RALYL: variants seen among roughly 807,000 people sequenced by gnomAD.
RALYL encodes the protein RALY RNA binding protein like.
In RALYL, 29 loss-of-function variants were observed where a neutral mutation model predicts 35.1. The ratio of observed to expected loss-of-function variants is 0.83; its 90% CI spans 0.61 to 1.13. RALYL has a LOEUF of 1.13. Among genes scored for constraint, RALYL ranks in the 50% most tolerant of loss-of-function variants. RALYL has a pLI of 0.00. For synonymous variants in RALYL, 120 were observed against 127.6 expected (o/e 0.94, Z 0.40); for missense variants, 359 against 360.4 (o/e 1.00, Z 0.03).
chr8:84,601,363 C>T (rs1815906115), intron 2 of RALYL, among the ~76,000 whole-genome samples: 1 of 152,024 alleles, frequency 6.6e-6, no homozygotes, highest in African/African-American at 2.4e-5. Flanking sequence ...AAAGCAAAGA[C>T]AGAGAAAGAG....
chr8:84,633,297 T>C (rs1270610958), intron 2 of RALYL, among the ~76,000 whole-genome samples: 1 of 151,730 alleles, frequency 6.6e-6, no homozygotes. Context: ...CAGATAGAGT[T>C]TGGACAGTAG....
At chr8:84,625,897 A>G (rs1420329680) in intron 2 of RALYL, among the ~76,000 whole-genome samples, 2 of 152,166 alleles carry the variant, frequency 1.3e-5, no homozygotes, top group Non-Finnish European at 2.9e-5. Context: ...GTCAAGTCAC[A>G]TGTCACTGTG....
rs112482792 is a variant in RALYL at position 84,306,299 on chromosome 8, G to C, written c.-24+121875G>C. ...ATATTTTTGCTACAATTAGTTTTTT[G>C]GGGGATGCTTGTACATGATAAAAAG... On this transcript the variant is annotated intron_variant, in intron 1 of 8. Coordinates refer to ENST00000521268, the MANE Select transcript of RALYL (RefSeq NM_173848.7). Among the ~76,000 whole-genome samples, 64 of 152,202 alleles carry C rather than the reference G, an allele frequency of 4.2e-4. 1 individual carries two copies. Among genetic ancestry groups the C allele is most frequent in the African/African-American group, 1.5e-3 (63 of 41,530 alleles).
Position 84,277,858 on chromosome 8 carries a change from C to T in RALYL, c.-24+93434C>T, listed in dbSNP as rs141437694. ...GCATTGGGCAGCTCCACCCCTGTGG[C>T]CTTGCAGGATACAGCCTCGCTCCTG... On this transcript the variant is annotated intron_variant, in intron 1 of 8. Transcript: ENST00000521268. Among the ~76,000 whole-genome samples the T allele has an allele frequency of 3.0e-3, 462 of 152,322 alleles. 2 individuals carry two copies. Among genetic ancestry groups the T allele is most frequent in the Non-Finnish European group, 4.9e-3 (330 of 68,024 alleles).
At chr8:84,850,173 TAC>T (rs1835545083) in intron 5 of RALYL, 146 bp downstream of exon 5, 1 of 448,988 alleles carries the variant, frequency 2.2e-6, no homozygotes, top group Middle Eastern at 5.9e-4. Context: ...CAACAAAATA[TAC>T]AGATTTTTAT....
intron 2 of RALYL, among the ~76,000 whole-genome samples, chr8:84,660,110 C>T (rs1179931243): frequency 6.6e-6 from 1 of 152,056 alleles, no homozygotes; most frequent in Non-Finnish European, 1.5e-5. Context: ...TGGCACTTTA[C>T]AATTTTCTCA....
intron 2 of RALYL, among the ~76,000 whole-genome samples, chr8:84,613,734 C>T (rs1332272677): frequency 6.6e-6 from 1 of 151,260 alleles, no homozygotes. Flanking sequence ...TAATGCCCAA[C>T]AACATAGCTA....
At chr8:84,568,094 A>G (rs1319100515) in intron 2 of RALYL, among the ~76,000 whole-genome samples, 1 of 151,354 alleles carries the variant, frequency 6.6e-6, no homozygotes, top group African/African-American at 2.4e-5. Flanking sequence ...ACATGTGCAC[A>G]ATGTGCAGGT....
At chr8:84,730,760 A>G (rs933765515) in intron 2 of RALYL, among the ~76,000 whole-genome samples, 5 of 152,120 alleles carry the variant, frequency 3.3e-5, no homozygotes, top group Admixed American at 6.6e-5. Context: ...ACATTAATCT[A>G]ACAGCAGCAT....
At chr8:84,451,301 T>G (rs1189567595) in intron 1 of RALYL, among the ~76,000 whole-genome samples, 3 of 151,988 alleles carry the variant, frequency 2.0e-5, no homozygotes, top group Non-Finnish European at 2.9e-5. Flanking sequence ...GTATCCCCAC[T>G]ACTCTAGTGC....
At chr8:84,882,739 A>G (rs1842374844) in intron 7 of RALYL, among the ~76,000 whole-genome samples, 2 of 152,054 alleles carry the variant, frequency 1.3e-5, no homozygotes, top group African/African-American at 4.8e-5. Flanking sequence ...ATACACACAA[A>G]CACACATACA....
intron 1 of RALYL, among the ~76,000 whole-genome samples, chr8:84,322,976 G>C (rs1845153427): frequency 6.6e-6 from 1 of 151,856 alleles, no homozygotes; most frequent in Non-Finnish European, 1.5e-5. Flanking sequence ...ATTATTCTTG[G>C]GTAATGGGAT....
At chr8:84,631,859 T>C (rs1451574763) in intron 2 of RALYL, among the ~76,000 whole-genome samples, 1 of 152,018 alleles carries the variant, frequency 6.6e-6, no homozygotes, top group East Asian at 1.9e-4. Flanking sequence ...TTTGAACAAC[T>C]GTTACTTAAA....
chr8:84,592,208 A>G (rs1813461557), intron 2 of RALYL, among the ~76,000 whole-genome samples: 1 of 152,148 alleles, frequency 6.6e-6, no homozygotes, highest in African/African-American at 2.4e-5. Flanking sequence ...CTCTGTTTCC[A>G]TACCGCAGGG....
At chr8:84,201,938 A>G (rs1051702440) in intron 1 of RALYL, among the ~76,000 whole-genome samples, 13 of 152,128 alleles carry the variant, frequency 8.5e-5, no homozygotes, top group African/African-American at 3.1e-4. Flanking sequence ...TAAGTAAATT[A>G]TATTATGTCA....
At chr8:84,770,699 G>T (rs1006472778) in intron 2 of RALYL, among the ~76,000 whole-genome samples, 1 of 151,906 alleles carries the variant, frequency 6.6e-6, no homozygotes, top group African/African-American at 2.4e-5. Flanking sequence ...CCAGATTCAT[G>T]CCAACATTCA....
At chr8:84,427,330 C>T (rs1445812515) in intron 1 of RALYL, among the ~76,000 whole-genome samples, 1 of 152,164 alleles carries the variant, frequency 6.6e-6, no homozygotes, top group Non-Finnish European at 1.5e-5. Context: ...TTTTAGATAA[C>T]AAAACTGATA....
At chr8:84,376,553 T>G (rs1346831430) in intron 1 of RALYL, among the ~76,000 whole-genome samples, 1 of 151,648 alleles carries the variant, frequency 6.6e-6, no homozygotes, top group Non-Finnish European at 1.5e-5. Flanking sequence ...AGGCATGACA[T>G]CTCCCATTGA....
intron 2 of RALYL, among the ~76,000 whole-genome samples, chr8:84,728,304 T>C (rs376657646): frequency 1.3e-5 from 2 of 152,138 alleles, no homozygotes; most frequent in African/African-American, 4.8e-5. Context: ...GTCCTTCGCC[T>C]ACTTTTTGAT....
Sources: allele counts gnomAD v4.1 joint callset (sites outside exome capture counted in the v4.1 genomes callset), GRCh38; gene constraint gnomAD v4.1.1; transcripts MANE v1.5; gene names NCBI Gene and HGNC (gene_info 2026-07-23, HGNC 2026-07-21).